LRPPRC: variants seen among roughly 807,000 people sequenced by gnomAD.
The protein encoded by LRPPRC is leucine rich pentatricopeptide repeat containing.
Under a neutral mutation model 180.3 loss-of-function variants are expected in LRPPRC, and 120 were observed. That is an observed-to-expected ratio of 0.67 (90% CI 0.57 to 0.77). The LOEUF is 0.77. Ranked by LOEUF, LRPPRC falls within the 30% of genes least tolerant of loss-of-function variation. The probability of loss-of-function intolerance (pLI) is 0.00; values close to 1 mark genes in which losing one functional copy is unlikely to be tolerated. For missense variants in LRPPRC, 2,012 were observed against 1,657.2 expected (o/e 1.21, Z -3.72); for synonymous variants, 723 against 600.0 (o/e 1.21, Z -3.00).
At chr2:43,995,199 CCACTG>C (rs1674975372) in intron 1 of LRPPRC, among the ~76,000 whole-genome samples, 1 of 152,146 alleles carries the variant, frequency 6.6e-6, no homozygotes. Flanking sequence ...TGAGATCGCG[CCACTG>C]CACTCCAGCC....
At chr2:43,946,796 A>G (rs1484108303) in intron 20 of LRPPRC, among the ~76,000 whole-genome samples, 1 of 152,098 alleles carries the variant, frequency 6.6e-6, no homozygotes, top group African/African-American at 2.4e-5. Flanking sequence ...GACATACACT[A>G]AAATGAACAC....
intron 31 of LRPPRC, chr2:43,904,707 C>A (rs199587664): frequency 0.13 from 10,724 of 80,534 alleles, 533 homozygotes; most frequent in Middle Eastern, 0.22. Context: ...AAAACAAAAA[C>A]AAAAAAAAAA....
intron 31 of LRPPRC, chr2:43,902,095 CT>C (rs1670910726): frequency 6.4e-6 from 1 of 156,068 alleles, no homozygotes; most frequent in South Asian, 2.0e-4. Flanking sequence ...ATAATGCCTA[CT>C]GATTTCCACA....
chr2:43,969,069 CA>C (rs1283702094), intron 11 of LRPPRC, among the ~76,000 whole-genome samples: 2 of 152,232 alleles, frequency 1.3e-5, no homozygotes, highest in East Asian at 1.9e-4. Context: ...AATCTTCTAA[CA>C]AAAGTATAAA....
At chr2:43,986,834 A>T (rs1487828963) in intron 1 of LRPPRC, among the ~76,000 whole-genome samples, 1 of 152,218 alleles carries the variant, frequency 6.6e-6, no homozygotes, top group Non-Finnish European at 1.5e-5. Context: ...GAGTGAGACT[A>T]GACAGTGCAA....
At chr2:43,979,094 T>G (rs1385525810) in intron 3 of LRPPRC, among the ~76,000 whole-genome samples, 2 of 152,116 alleles carry the variant, frequency 1.3e-5, no homozygotes, top group Non-Finnish European at 2.9e-5. Context: ...GAACATTAAA[T>G]TGTATTAAAC....
intron 34 of LRPPRC, 29 bp from the exon 35 acceptor site, chr2:43,896,737 G>T (rs1483963457): frequency 4.7e-6 from 6 of 1,285,396 alleles, no homozygotes; most frequent in Admixed American, 1.7e-5. Flanking sequence ...TTCAGTAAGT[G>T]AAGGTTTCTG....
chr2:43,936,713 T>C (rs1240843527), intron 23 of LRPPRC, among the ~76,000 whole-genome samples: 1 of 152,200 alleles, frequency 6.6e-6, no homozygotes, highest in Non-Finnish European at 1.5e-5. Context: ...CCTTATCCCC[T>C]TACTAAGCCC....
Position 43,948,295 on chromosome 2 carries a change from T to C in LRPPRC, c.1843-96A>G, listed in dbSNP as rs1672768576. ...AATTATCTCAGACATAATTTAAGTC[T>C]CCAACTCTTGCATGTCATTGAGAAG... On this transcript the variant is annotated intron_variant, in intron 17 of 37. Transcript: ENST00000260665. The C allele has an allele frequency of 4.2e-6, 4 of 941,562 alleles. No individual in the cohort carries two copies. In the Admixed American group the frequency reaches 5.1e-5, roughly 12 times the overall value. 58.3% of individuals were successfully genotyped at this position (941,562 alleles called of 1,614,324 possible).
chr2:43,948,373 G>C, intron 17 of LRPPRC, 39 bp downstream of exon 17: 4 of 1,218,038 alleles, frequency 3.3e-6, no homozygotes, highest in Non-Finnish European at 4.9e-6. Context: ...ATACATGTCA[G>C]GCAGGACAGG....
chr2:43,990,478 G>A (rs964247265), intron 1 of LRPPRC, among the ~76,000 whole-genome samples: 4 of 152,214 alleles, frequency 2.6e-5, no homozygotes, highest in Admixed American at 6.5e-5. Flanking sequence ...ATCCTCCAAC[G>A]GCTTCCAATC....
chr2:43,942,922 T>C (rs905367596), intron 23 of LRPPRC, among the ~76,000 whole-genome samples: 1 of 152,146 alleles, frequency 6.6e-6, no homozygotes, highest in African/African-American at 2.4e-5. Context: ...TATTTTTGTT[T>C]GCCTAGGGTT....
At chr2:43,987,674 T>C (rs938619519) in intron 1 of LRPPRC, among the ~76,000 whole-genome samples, 1 of 152,160 alleles carries the variant, frequency 6.6e-6, no homozygotes, top group African/African-American at 2.4e-5. Context: ...AGGCTCTTGA[T>C]GAACTCATGG....
Position 43,995,584 on chromosome 2 carries a change from G to A in LRPPRC, c.149+215C>T, listed in dbSNP as rs114787823. Among the ~76,000 whole-genome samples the A allele has an allele frequency of 6.0e-3, 912 of 152,336 alleles. 9 individuals carry two copies. The highest frequency in any genetic ancestry group is 0.021 in the African/African-American group (867 of 41,584). ...TGGCGGGGGCAGGATTCAAGCCGGA[G>A]GCAGGCCATGCCCACAGCCGTGACC... is the stretch of plus-strand genomic sequence containing the variant. On this transcript the variant is annotated intron_variant, in intron 1 of 37. Coordinates refer to ENST00000260665, the MANE Select transcript of LRPPRC (RefSeq NM_133259.4).
At chr2:43,971,445 A>C (rs1368705558) in intron 11 of LRPPRC, among the ~76,000 whole-genome samples, 1 of 132,952 alleles carries the variant, frequency 7.5e-6, no homozygotes, top group Non-Finnish European at 1.6e-5. Flanking sequence ...ATTATTATAC[A>C]GGGCACATGC....
chr2:43,931,147 G>C (rs1672073063), intron 25 of LRPPRC, among the ~76,000 whole-genome samples: 1 of 152,170 alleles, frequency 6.6e-6, no homozygotes, highest in African/African-American at 2.4e-5. Flanking sequence ...CCTTTGAGTA[G>C]TTCTGCAATC....
chr2:43,977,273 G>T lies in LRPPRC; in HGVS notation c.473C>A (p.Ala158Asp). 1 of 1,597,718 alleles carries T rather than the reference G, an allele frequency of 6.3e-7. No individual in the cohort carries two copies. Among genetic ancestry groups the T allele is most frequent in the Non-Finnish European group, 8.6e-7 (1 of 1,165,812 alleles). The change falls in exon 4 of 38, where the codon GCT (alanine) becomes GAT (aspartate). Residue 158 changes from alanine (A) to aspartate (D), a missense_variant. Physicochemically the swap from Ala to Asp is moderately radical, Grantham distance 126. Coordinates refer to ENST00000260665, the MANE Select transcript of LRPPRC (RefSeq NM_133259.4). ...ATTATAGTGACTCACATCATACACA[G>T]CACCTACAAATGAAATTTAAAATGA... ...RIWDTLQKLG[A>D]VYDVSHYNAL...
At chr2:43,990,353 C>T (rs746116808) in intron 1 of LRPPRC, among the ~76,000 whole-genome samples, 2 of 152,192 alleles carry the variant, frequency 1.3e-5, no homozygotes, top group East Asian at 1.9e-4. Context: ...CGGATCTTTT[C>T]GTCAGTTCTT....
In LRPPRC at chr2:43,972,989, TTAATA is replaced by T. The variant is rs1358573365; in HGVS notation, c.1369+613_1369+617del. 2.0e-5 allele frequency among the ~76,000 whole-genome samples: 3 copies of T among 152,348 alleles called. No individual in the cohort carries two copies. In the East Asian group the frequency reaches 5.8e-4, roughly 29 times the overall value. ...AGAATTAGATACTGTACTCTAAAAT[TTAATA>T]TTTGTTCAATTCTTATTCATATCCT... On this transcript the variant is annotated intron_variant, in intron 11 of 37. Transcript: ENST00000260665.
Sources: gnomAD v4.1 joint callset for allele counts (sites outside exome capture counted in the v4.1 genomes callset) on GRCh38, gnomAD v4.1.1 for gene constraint, MANE v1.5 for transcripts, NCBI Gene and HGNC (gene_info 2026-07-23, HGNC 2026-07-21) for gene names.